Variants in SOX30 observed in about 807,000 individuals in gnomAD.
SOX30 encodes the protein SRY-box transcription factor 30.
In SOX30, 17 loss-of-function variants were observed where a neutral mutation model predicts 58.6. That is an observed-to-expected ratio of 0.29 (90% CI 0.20 to 0.44). The LOEUF is 0.44. SOX30 is among the 20% of genes least tolerant of loss of function. The pLI is 1.00. For missense variants in SOX30, 951 were observed against 965.8 expected, an observed-to-expected ratio of 0.98 and a Z score of 0.20; for synonymous variants, 421 against 400.2, an observed-to-expected ratio of 1.05 and a Z score of -0.62.
At chr5:157,668,210 A>G (rs1272162823) in intron 1 of SOX30, among the ~76,000 whole-genome samples, 1 of 152,202 alleles carries the variant, frequency 6.6e-6, no homozygotes, top group Non-Finnish European at 1.5e-5. Context: ...CTACGGCTGT[A>G]GCTGTTGAGG....
At chr5:157,641,702 A>G (rs1759066980) in intron 3 of SOX30, among the ~76,000 whole-genome samples, 1 of 152,236 alleles carries the variant, frequency 6.6e-6, no homozygotes, top group Non-Finnish European at 1.5e-5. Flanking sequence ...TGCTACGACT[A>G]CCTAACGAAC....
chr5:157,669,442 C>T (rs1759731717), intron 1 of SOX30, among the ~76,000 whole-genome samples: 2 of 152,094 alleles, frequency 1.3e-5, no homozygotes, highest in Non-Finnish European at 2.9e-5. Context: ...TCCCCGATCT[C>T]CCAAAGAGTT....
At chr5:157,667,757 C>A in intron 2 of SOX30, 1 of 1,415,174 alleles carries the variant, frequency 7.1e-7, no homozygotes, top group Non-Finnish European at 9.1e-7. Context: ...TACATACATA[C>A]ATACATACAC....
At chr5:157,664,175 G>A (rs1335250375) in intron 2 of SOX30, among the ~76,000 whole-genome samples, 7 of 152,016 alleles carry the variant, frequency 4.6e-5, no homozygotes, top group Admixed American at 1.3e-4. Context: ...GAGGGATCAC[G>A]CTACCTGACT....
At chr5:157,665,320 C>T (rs962116134) in intron 2 of SOX30, among the ~76,000 whole-genome samples, 2 of 152,086 alleles carry the variant, frequency 1.3e-5, no homozygotes, top group African/African-American at 4.8e-5. Flanking sequence ...AAGCTGGAAA[C>T]CATCATTCGC....
At chr5:157,667,459 A>G (rs933777180) in intron 2 of SOX30, among the ~76,000 whole-genome samples, 1 of 152,134 alleles carries the variant, frequency 6.6e-6, no homozygotes, top group African/African-American at 2.4e-5. Context: ...GAGGCTGGGT[A>G]TGGTGGTTCA....
chr5:157,665,648 T>A (rs1356201873), intron 2 of SOX30, among the ~76,000 whole-genome samples: 2 of 147,746 alleles, frequency 1.4e-5, no homozygotes, highest in East Asian at 3.9e-4. Context: ...ATACATTTAT[T>A]TTAAATATAT....
intron 1 of SOX30, among the ~76,000 whole-genome samples, chr5:157,669,485 A>AT (rs1319382130): frequency 8.8e-6 from 1 of 113,020 alleles, no homozygotes; most frequent in Non-Finnish European, 1.8e-5. Flanking sequence ...GCGCCCATCA[A>AT]TTTTATTTAT....
chr5:157,668,496 C>T (rs968994733), intron 1 of SOX30, among the ~76,000 whole-genome samples: 1 of 152,110 alleles, frequency 6.6e-6, no homozygotes, highest in African/African-American at 2.4e-5. Flanking sequence ...ATCCATTCAT[C>T]CATTCACTCA....
chr5:157,638,643 G>A lies in SOX30; in HGVS notation c.1467C>T (p.Val489=), dbSNP rs1351191263. ...PSPVTLFQPS[V]SSAAQVAVQD... Reference sequence around the variant, plus strand: ...GGACAGCCACCTGAGCAGCACTGGAGACGCTGGGCTGGAAAAGTGTGACAG... The same window carrying A: ...GGACAGCCACCTGAGCAGCACTGGAAACGCTGGGCTGGAAAAGTGTGACAG... Residue 489 remains valine, a synonymous_variant, in exon 4 of 5, where the codon GTC becomes GTT. Coordinates refer to ENST00000265007, the MANE Select transcript of SOX30 (RefSeq NM_178424.2). 1.2e-6 allele frequency: 2 copies of A among 1,614,214 alleles called. No homozygotes were observed. The highest frequency in any genetic ancestry group is 1.7e-6 in the Non-Finnish European group (2 of 1,180,046).
chr5:157,626,191 A>G lies in SOX30; in HGVS notation c.*149T>C, dbSNP rs1758647104. 2.1e-5 allele frequency: 13 copies of G among 623,954 alleles called. No homozygotes were observed. Among genetic ancestry groups the G allele is most frequent in the Non-Finnish European group, 3.1e-5 (12 of 387,166 alleles). 38.7% of individuals were successfully genotyped at this position (623,954 alleles called of 1,614,324 possible). On this transcript the variant is annotated 3_prime_UTR_variant, in exon 5 of 5. Transcript: ENST00000265007. ...CTCTAGTTTCACTAATCAAAATTTT[A>G]TGAAGACATAAATTGCATTTGGTTT...
chr5:157,631,474 T>C (rs975985722), intron 4 of SOX30, among the ~76,000 whole-genome samples: 1 of 152,154 alleles, frequency 6.6e-6, no homozygotes, highest in Non-Finnish European at 1.5e-5. Flanking sequence ...CTTTTAAGAA[T>C]TTTGAGCTGG....
rs746885177 is a variant in SOX30 at position 157,646,694 on chromosome 5, A to C, written c.1330T>G (p.Ser444Ala). The change falls in exon 3 of 5, where the codon TCA becomes GCA. Residue 444 changes from serine to alanine, a missense_variant. Ser to Ala is a moderately conservative substitution (Grantham distance 99). Around this residue, in one of 7 missense-constraint regions of SOX30, gnomAD observed 381 missense variants for 390.0 expected, o/e 0.98. Transcript: ENST00000265007. The part of the protein sequence containing the change: ...TNPTTVYPYR[S>A]PTYSVVIPSL... ...GGAATTACCACAGAGTACGTAGGTG[A>C]GCGGTAAGGATAAACTGTTGTAGGA... 1 of 1,613,490 alleles carries C rather than the reference A, an allele frequency of 6.2e-7. No individual in the cohort carries two copies. The highest frequency in any genetic ancestry group is 1.3e-5 in the African/African-American group (1 of 74,910).
rs1055208450 is a variant in SOX30, at chr5:157,648,681, C to T, written c.1183G>A (p.Glu395Lys). ...PYYDEAQKIK[E>K]KHREEFPGWV... is the part of the protein sequence containing the mutation. The stretch of plus-strand genomic sequence containing the variant: ...CCAGGAAATTCCTCTCTGTGCTTTT[C>T]CTTAATCTTTTGTGCTTCATCGTAA... The change falls in exon 2 of 5, where the codon GAA becomes AAA. Residue 395 changes from glutamate to lysine, a missense_variant. By Grantham distance (56) the Glu-to-Lys change is moderately conservative. Transcript: ENST00000265007. 62 of 1,613,550 alleles carry T rather than the reference C, an allele frequency of 3.8e-5. No homozygotes were observed. Among genetic ancestry groups the T allele is most frequent in the Non-Finnish European group, 5.2e-5 (61 of 1,179,808 alleles).
rs1201515568 is a variant in SOX30, at chr5:157,626,012, G to C, written c.*328C>G. 5.3e-6 allele frequency: 1 copy of C among 189,454 alleles called. No homozygotes were observed. The highest frequency in any genetic ancestry group is 1.1e-5 in the Non-Finnish European group (1 of 93,098). 11.7% of individuals were successfully genotyped at this position (189,454 alleles called of 1,614,324 possible). ...ATAAAATAAAAATCACACTATGCTA[G>C]ATTTATTTCCCCTTTCCCCTCACAT... On this transcript the variant is annotated 3_prime_UTR_variant, in exon 5 of 5. Coordinates refer to ENST00000265007, the MANE Select transcript of SOX30 (RefSeq NM_178424.2).
At chr5:157,636,371 A>T (rs529429446) in intron 4 of SOX30, among the ~76,000 whole-genome samples, 1 of 152,238 alleles carries the variant, frequency 6.6e-6, no homozygotes, top group Non-Finnish European at 1.5e-5. Flanking sequence ...TATTCTTCTT[A>T]TATGTAGGAA....
At position 157,633,336 on chromosome 5, in the gene SOX30, G is replaced by A. The variant is rs1335803822; in HGVS notation, c.1880+4894C>T. ...CTACAGGTGCATGACAGCACATCGAGCTTAAAACCCAAGTTTATAACCAAT... is the reference window on the plus strand; with the variant it reads ...CTACAGGTGCATGACAGCACATCGAACTTAAAACCCAAGTTTATAACCAAT... On this transcript the variant is annotated intron_variant, in intron 4 of 4. Coordinates refer to ENST00000265007, the MANE Select transcript of SOX30 (RefSeq NM_178424.2). Among the ~76,000 whole-genome samples, 5 of 152,138 alleles carry A rather than the reference G, an allele frequency of 3.3e-5. No individual in the cohort carries two copies. In the East Asian group the frequency reaches 9.6e-4, roughly 29 times the overall value.
Position 157,626,582 on chromosome 5 carries a change from C to A in SOX30, c.2020G>T (p.Asp674Tyr). 1 of 1,614,158 alleles carries A rather than the reference C, an allele frequency of 6.2e-7. No homozygotes were observed. The highest frequency in any genetic ancestry group is 8.5e-7 in the Non-Finnish European group (1 of 1,180,040). ...STLNRDYSFR[D>Y]YSSECTHSEN... ...CTGTGTGTGCATTCACTTGAGTAGT[C>A]TCTAAAAGAATAGTCTCTATTTAAA... is the stretch of plus-strand genomic sequence containing the variant. Residue 674 changes from aspartate to tyrosine, a missense_variant, in exon 5 of 5, where the codon GAC becomes TAC. Transcript: ENST00000265007.
At chr5:157,641,443 T>C (rs1759059222) in intron 3 of SOX30, among the ~76,000 whole-genome samples, 1 of 152,014 alleles carries the variant, frequency 6.6e-6, no homozygotes, top group South Asian at 2.1e-4. Flanking sequence ...TAAAACCCCA[T>C]CTCTACTAAA....
Sources: allele counts gnomAD v4.1 joint callset (sites outside exome capture counted in the v4.1 genomes callset), GRCh38; gene constraint gnomAD v4.1.1; regional missense constraint gnomAD v4.1.1; transcripts MANE v1.5; gene names NCBI Gene and HGNC (gene_info 2026-07-23, HGNC 2026-07-21).